TMEM132B: variants seen among roughly 807,000 people sequenced by gnomAD.
The protein encoded by TMEM132B is transmembrane protein 132B.
Under a neutral mutation model 90.8 loss-of-function variants are expected in TMEM132B, and 18 were observed. The ratio of observed to expected loss-of-function variants is 0.20; its 90% CI spans 0.14 to 0.29. The LOEUF is 0.29. Among genes scored for constraint, TMEM132B ranks in the 10% least tolerant of loss-of-function variants. The pLI is 1.00. For missense variants in TMEM132B, 1,096 were observed against 1,326.8 expected (o/e 0.83, Z 2.70); for synonymous variants, 504 against 523.3 (o/e 0.96, Z 0.50).
chr12:125,231,233 G>A (rs935836488), intron 1 of TMEM132B, among the ~76,000 whole-genome samples: 1 of 150,780 alleles, frequency 6.6e-6, no homozygotes, highest in Non-Finnish European at 1.5e-5. Context: ...GTGTGTGTGT[G>A]TGTGTATATC....
At chr12:125,646,549 G>A (rs554239398) in intron 6 of TMEM132B, among the ~76,000 whole-genome samples, 8 of 152,154 alleles carry the variant, frequency 5.3e-5, no homozygotes, top group Admixed American at 1.3e-4. Flanking sequence ...AAGTGCCCTC[G>A]TCTCCTATGG....
chr12:125,205,992 C>T (rs574893070), intron 1 of TMEM132B, among the ~76,000 whole-genome samples: 3 of 152,290 alleles, frequency 2.0e-5, no homozygotes, highest in East Asian at 1.9e-4. Context: ...TGAATCTGGT[C>T]TGGGGAGTGG....
chr12:125,437,001 C>T (rs1269302552), intron 3 of TMEM132B, among the ~76,000 whole-genome samples: 1 of 152,148 alleles, frequency 6.6e-6, no homozygotes, highest in African/African-American at 2.4e-5. Context: ...GTGTTCAGGT[C>T]TATAATTCTG....
rs948039932 is a variant in TMEM132B at position 125,213,291 on chromosome 12, C to T, written c.67+26425C>T. Among the ~76,000 whole-genome samples the T allele has an allele frequency of 1.4e-4, 21 of 152,336 alleles. No homozygotes were observed. The highest frequency in any genetic ancestry group is 1.9e-4 in the East Asian group (1 of 5,188). ...GGTTGAATCATCTTCCATTGTCTAT[C>T]GGATATGCCACCTTTTGTTTATCCG... On this transcript the variant is annotated intron_variant, in intron 1 of 8. Coordinates refer to ENST00000682704, the MANE Select transcript of TMEM132B (RefSeq NM_001366854.1). The surrounding 1 kb of genome is among the most constrained non-coding windows in gnomAD (Gnocchi z 4.2).
chr12:125,367,612 T>C (rs975442769), intron 2 of TMEM132B, among the ~76,000 whole-genome samples: 1 of 152,186 alleles, frequency 6.6e-6, no homozygotes, highest in African/African-American at 2.4e-5. Context: ...TCTCTCTGCA[T>C]CCTACAATAA....
At chr12:125,574,972 T>A (rs1220219273) in intron 4 of TMEM132B, among the ~76,000 whole-genome samples, 1 of 147,488 alleles carries the variant, frequency 6.8e-6, no homozygotes, top group Non-Finnish European at 1.5e-5. Flanking sequence ...GGCTTTCAGT[T>A]GATCCACAAG....
intron 1 of TMEM132B, among the ~76,000 whole-genome samples, chr12:125,315,222 A>G (rs895222274): frequency 6.6e-6 from 1 of 152,240 alleles, no homozygotes; most frequent in East Asian, 1.9e-4. Context: ...GTTTTGAGAC[A>G]GGGTCTCGCT....
Position 125,246,546 on chromosome 12 carries a change from T to G in TMEM132B, c.67+59680T>G, listed in dbSNP as rs1464975144. Reference sequence around the variant, plus strand: ...CATTTGGAAGCCCTTATTAAGTGATTCCCGTTTGCTTCGGCATGAATGCAC... The same window carrying G: ...CATTTGGAAGCCCTTATTAAGTGATGCCCGTTTGCTTCGGCATGAATGCAC... On this transcript the variant is annotated intron_variant, in intron 1 of 8. Transcript: ENST00000682704. The surrounding 1 kb of genome is among the most constrained non-coding windows in gnomAD (Gnocchi z 4.2). Among the ~76,000 whole-genome samples, 1 of 152,192 alleles carries G rather than the reference T, an allele frequency of 6.6e-6. No individual in the cohort carries two copies. Among genetic ancestry groups the G allele is most frequent in the Non-Finnish European group, 1.5e-5 (1 of 68,048 alleles).
chr12:125,372,560 T>G (rs923244861), intron 2 of TMEM132B, among the ~76,000 whole-genome samples: 15 of 152,202 alleles, frequency 9.9e-5, no homozygotes, highest in African/African-American at 3.1e-4. Context: ...AGAGATGTTT[T>G]TCCAGTGGAA....
At chr12:125,357,227 T>C (rs1046156189) in intron 2 of TMEM132B, among the ~76,000 whole-genome samples, 4 of 152,220 alleles carry the variant, frequency 2.6e-5, no homozygotes, top group Non-Finnish European at 4.4e-5. Flanking sequence ...TTAGGACACA[T>C]AGGGGATGCA....
At chr12:125,207,187 G>A (rs1204411177) in intron 1 of TMEM132B, among the ~76,000 whole-genome samples, 3 of 152,192 alleles carry the variant, frequency 2.0e-5, no homozygotes, top group Non-Finnish European at 2.9e-5. Context: ...TGGATTTTTG[G>A]CTTCTCGTTG....
At chr12:125,430,490 G>A (rs1178577169) in intron 3 of TMEM132B, among the ~76,000 whole-genome samples, 4 of 152,202 alleles carry the variant, frequency 2.6e-5, no homozygotes, top group Non-Finnish European at 5.9e-5. Context: ...CAGCCACTCA[G>A]TGACTTGGGG....
intron 4 of TMEM132B, among the ~76,000 whole-genome samples, chr12:125,568,399 G>C (rs934152979): frequency 6.6e-6 from 1 of 152,154 alleles, no homozygotes; most frequent in Non-Finnish European, 1.5e-5. Context: ...CTCACTGGGA[G>C]GAGGGGGTCT....
intron 5 of TMEM132B, among the ~76,000 whole-genome samples, chr12:125,633,450 G>A (rs1487001859): frequency 6.6e-6 from 1 of 152,170 alleles, no homozygotes; most frequent in Non-Finnish European, 1.5e-5. Flanking sequence ...TATTTGGTGA[G>A]GACATGTTTT....
rs140578148 is a variant in TMEM132B at position 125,285,004 on chromosome 12, T to C, written c.68-64448T>C. ...AAACACACCCAAATCCTGGCCTGCA[T>C]GGAGCTGATATTGTAAGATACCCCA... On this transcript the variant is annotated intron_variant, in intron 1 of 8. Transcript: ENST00000682704. Among the ~76,000 whole-genome samples, 39 of 152,328 alleles carry C rather than the reference T, an allele frequency of 2.6e-4. 1 individual carries two copies. The highest frequency in any genetic ancestry group is 8.7e-4 in the African/African-American group (36 of 41,576).
chr12:125,226,844 A>G (rs1467528527), intron 1 of TMEM132B, among the ~76,000 whole-genome samples: 1 of 152,182 alleles, frequency 6.6e-6, no homozygotes, highest in South Asian at 2.1e-4. Flanking sequence ...GTCACATTTT[A>G]GAGGGAGAGT....
chr12:125,362,770 T>C (rs184221073), intron 2 of TMEM132B, among the ~76,000 whole-genome samples: 14 of 152,282 alleles, frequency 9.2e-5, no homozygotes, highest in Non-Finnish European at 2.1e-4. Context: ...AACTTAACTT[T>C]AAAATACACA....
intron 3 of TMEM132B, among the ~76,000 whole-genome samples, chr12:125,466,055 C>A (rs1195824501): frequency 6.6e-6 from 1 of 152,168 alleles, no homozygotes; most frequent in African/African-American, 2.4e-5. Flanking sequence ...TCCTTTATAG[C>A]AACACAAAAA....
At chr12:125,645,072 G>T (rs1402884536) in intron 6 of TMEM132B, among the ~76,000 whole-genome samples, 1 of 150,568 alleles carries the variant, frequency 6.6e-6, no homozygotes, top group East Asian at 2.0e-4. Context: ...AAAAAAAATA[G>T]CTGGGCGTGG....
Sources: allele counts gnomAD v4.1 joint callset (sites outside exome capture counted in the v4.1 genomes callset), GRCh38; gene constraint gnomAD v4.1.1; non-coding constraint Gnocchi (gnomAD v3.1); transcripts MANE v1.5; gene names NCBI Gene and HGNC (gene_info 2026-07-23, HGNC 2026-07-21).